MPRIP: variants seen among roughly 807,000 people sequenced by gnomAD.
MPRIP encodes the protein myosin phosphatase Rho interacting protein.
MPRIP carries 59 observed loss-of-function variants against 234.9 expected under a neutral mutation model. The ratio of observed to expected loss-of-function variants is 0.25; its 90% CI spans 0.20 to 0.31. The LOEUF (loss-of-function observed/expected upper bound fraction) is 0.31. MPRIP is among the 10% of genes least tolerant of loss of function. The pLI is 1.00. For synonymous variants in MPRIP, 1,144 were observed against 1,263.9 expected, an observed-to-expected ratio of 0.91 and a Z score of 2.01; for missense variants, 2,436 against 3,071.0, an observed-to-expected ratio of 0.79 and a Z score of 4.89.
At chr17:17,107,441 T>C (rs1017534685) in intron 3 of MPRIP, among the ~76,000 whole-genome samples, 1 of 152,224 alleles carries the variant, frequency 6.6e-6, no homozygotes, top group Non-Finnish European at 1.5e-5. Context: ...CTCCGGCATC[T>C]GGCATTTGGG....
At chr17:17,076,667 A>G (rs2089336092) in intron 2 of MPRIP, among the ~76,000 whole-genome samples, 1 of 152,156 alleles carries the variant, frequency 6.6e-6, no homozygotes, top group African/African-American at 2.4e-5. Flanking sequence ...CCAGCCCTCT[A>G]CAAGGCCTCT....
chr17:17,176,288 G>A, intron 20 of MPRIP, 138 bp from the exon 21 acceptor site: 1 of 690,078 alleles, frequency 1.4e-6, no homozygotes, highest in South Asian at 1.6e-5. Flanking sequence ...TTTAAACGAT[G>A]CTTGCCCGCA....
rs544873885 is a variant in MPRIP, at chr17:17,126,909, C to T, written c.419+56C>T. 7.9e-5 allele frequency: 125 copies of T among 1,579,194 alleles called. No homozygotes were observed. In the East Asian group the frequency reaches 2.6e-3, roughly 33 times the overall value. On this transcript the variant is annotated intron_variant, in intron 4 of 23. Transcript: ENST00000651222. Reference sequence around the variant, plus strand: ...CCACCACCTGCCACAGGGCCAACACCAGATGGGCCGCCTGCCCCTGTGGCA... The same window carrying T: ...CCACCACCTGCCACAGGGCCAACACTAGATGGGCCGCCTGCCCCTGTGGCA...
At position 17,136,456 on chromosome 17, in the gene MPRIP, C is replaced by T. The variant is rs776896332; in HGVS notation, c.736+6C>T. 2.5e-5 allele frequency: 40 copies of T among 1,605,702 alleles called. No individual in the cohort carries two copies. The highest frequency in any genetic ancestry group is 2.3e-4 in the African/African-American group (17 of 74,770). On this transcript the variant is annotated splice_donor_region_variant and intron_variant, in intron 6 of 23. Transcript: ENST00000651222. ...TGGGCTAGAGAGCAAAGAAGGTGAG[C>T]GGAGGCCAGGCTGGCTTGTATGCAC...
chr17:17,135,776 A>T (rs1025828778), intron 5 of MPRIP, among the ~76,000 whole-genome samples: 1 of 152,174 alleles, frequency 6.6e-6, no homozygotes, highest in Non-Finnish European at 1.5e-5. Context: ...TTGTGGGGAG[A>T]CACAGACATT....
At chr17:17,067,790 C>CTTTTTTT (rs35187618) in intron 1 of MPRIP, among the ~76,000 whole-genome samples, 7 of 76,750 alleles carry the variant, frequency 9.1e-5, no homozygotes, top group Admixed American at 1.6e-4. Flanking sequence ...CTTCTTCTTC[C>CTTTTTTT]TTTTTTTTTT....
At chr17:17,161,386 G>A (rs534464747) in intron 15 of MPRIP, 30 bp downstream of exon 15, 22 of 1,473,406 alleles carry the variant, frequency 1.5e-5, no homozygotes, top group Non-Finnish European at 2.0e-5. Flanking sequence ...GTGGCCCATG[G>A]TGCGCTCAGG....
rs2088558253 is a variant in MPRIP at position 17,052,023 on chromosome 17, C to G, written c.123+9052C>G. Among the ~76,000 whole-genome samples the G allele has an allele frequency of 2.0e-5, 3 of 152,254 alleles. No homozygotes were observed. The South Asian group carries it at 6.2e-4, about 31-fold the overall frequency. ...TATTGTGTCATAGCCCGTGATTTCA[C>G]ACAGACCTCAGCAGGCAAGGGTGGC... On this transcript the variant is annotated intron_variant, in intron 1 of 23. Transcript: ENST00000651222.
At position 17,091,869 on chromosome 17, in the gene MPRIP, G is replaced by A. The variant is rs144184349; in HGVS notation, c.267+13793G>A. 2.3e-3 allele frequency among the ~76,000 whole-genome samples: 349 copies of A among 152,318 alleles called. 1 individual carries two copies. The highest frequency in any genetic ancestry group is 3.9e-3 in the Non-Finnish European group (267 of 68,026). ...GAAGAGAATACTATTTGTGCTCCACGAGAAAAGATTAGGAAAACAGCCCCA... is the reference window on the plus strand; with the variant it reads ...GAAGAGAATACTATTTGTGCTCCACAAGAAAAGATTAGGAAAACAGCCCCA... On this transcript the variant is annotated intron_variant, in intron 3 of 23. Transcript: ENST00000651222.
intron 11 of MPRIP, among the ~76,000 whole-genome samples, chr17:17,147,781 G>A (rs1036064681): frequency 1.3e-5 from 2 of 152,204 alleles, no homozygotes; most frequent in African/African-American, 4.8e-5. Flanking sequence ...AAATGGAGTT[G>A]GAAGAATTGA....
At chr17:17,113,311 A>G (rs1478687665) in intron 3 of MPRIP, among the ~76,000 whole-genome samples, 2 of 152,236 alleles carry the variant, frequency 1.3e-5, no homozygotes, top group African/African-American at 4.8e-5. Context: ...ATTTGCCAGT[A>G]GCTGTTCTCA....
Position 17,167,923 on chromosome 17 carries a change from C to T in MPRIP, c.6324+8C>T, listed in dbSNP as rs956580115. 11 of 1,296,934 alleles carry T rather than the reference C, an allele frequency of 8.5e-6. No homozygotes were observed. The highest frequency in any genetic ancestry group is 4.6e-5 in the Admixed American group (2 of 43,200). The allele number at this position is 1,296,934 out of a possible 1,614,324, so 80.3% of individuals were successfully genotyped here. A position where few individuals can be genotyped will look rare whatever the true frequency, so the allele number is the denominator to read the frequency against. On this transcript the variant is annotated splice_region_variant and intron_variant, in intron 16 of 23. Transcript: ENST00000651222. The surrounding 1 kb of genome is among the most constrained non-coding windows in gnomAD (Gnocchi z 5.9). ...GACTTGGAGAGCCTTAAGGTCTTAA[C>T]GCCCCATTCAATTTGCAGAGCAGAT...
intron 3 of MPRIP, among the ~76,000 whole-genome samples, chr17:17,113,380 G>A (rs2090211984): frequency 6.6e-6 from 1 of 152,232 alleles, no homozygotes; most frequent in African/African-American, 2.4e-5. Context: ...CTTCACATAA[G>A]TGGAATCATA....
chr17:17,156,648 G>A (rs1355729812), intron 13 of MPRIP, among the ~76,000 whole-genome samples: 1 of 152,182 alleles, frequency 6.6e-6, no homozygotes, highest in Non-Finnish European at 1.5e-5. Flanking sequence ...CTCCTAGGGA[G>A]TGCGGCCGGT....
At chr17:17,082,918 C>G (rs537149702) in intron 3 of MPRIP, among the ~76,000 whole-genome samples, 44 of 152,348 alleles carry the variant, frequency 2.9e-4, no homozygotes, top group African/African-American at 1.0e-3. Flanking sequence ...AAAGATCATC[C>G]TGGTTGGTGT....
At chr17:17,071,165 A>G (rs1239013677) in intron 1 of MPRIP, among the ~76,000 whole-genome samples, 2 of 152,196 alleles carry the variant, frequency 1.3e-5, no homozygotes, top group East Asian at 3.9e-4. Context: ...GGCACCTCAC[A>G]AGGGTGGAAG....
intron 7 of MPRIP, 90 bp from the exon 8 acceptor site, chr17:17,142,537 C>T (rs1251488704): frequency 3.0e-5 from 45 of 1,494,566 alleles, no homozygotes; most frequent in Non-Finnish European, 2.9e-5. Flanking sequence ...GAATCAGGCC[C>T]GGGCCAGGCC....
At chr17:17,055,399 G>T (rs1211811108) in intron 1 of MPRIP, among the ~76,000 whole-genome samples, 1 of 152,194 alleles carries the variant, frequency 6.6e-6, no homozygotes, top group Non-Finnish European at 1.5e-5. Flanking sequence ...GCCGGGTCTA[G>T]TCCCAAATCA....
At position 17,176,638 on chromosome 17, in the gene MPRIP, G is replaced by A. The variant is rs1260735048; in HGVS notation, c.6957+126G>A. ...CAGATTTTACTCTTGTGAGGAAGGA[G>A]GTTTCCAAAATCAAGCCCTCTTAAA... On this transcript the variant is annotated intron_variant, in intron 21 of 23. Transcript: ENST00000651222. 11 of 754,262 alleles carry A rather than the reference G, an allele frequency of 1.5e-5. No individual in the cohort carries two copies. The Middle Eastern group carries it at 9.7e-4, about 66-fold the overall frequency. The allele number at this position is 754,262 out of a possible 1,614,324, so 46.7% of individuals were successfully genotyped here. A position where few individuals can be genotyped will look rare whatever the true frequency, so the allele number is the denominator to read the frequency against.
Sources: gnomAD v4.1 joint callset for allele counts (sites outside exome capture counted in the v4.1 genomes callset) on GRCh38, gnomAD v4.1.1 for gene constraint, Gnocchi (gnomAD v3.1) non-coding constraint, MANE v1.5 for transcripts, NCBI Gene and HGNC (gene_info 2026-07-23, HGNC 2026-07-21) for gene names.